The following PCDHA7 variants were observed in gnomAD, a reference collection of about 807,000 sequenced individuals.
The protein encoded by PCDHA7 is protocadherin alpha 7.
PCDHA7 carries 37 observed loss-of-function variants against 57.2 expected under a neutral mutation model. The observed-to-expected ratio is 0.65, with a 90% CI of 0.50 to 0.85. The LOEUF is 0.85. Ranked by LOEUF, PCDHA7 falls within the 40% of genes least tolerant of loss-of-function variation. PCDHA7 has a pLI of 0.00. For synonymous variants in PCDHA7, 553 were observed against 558.8 expected (o/e 0.99, Z 0.15); for missense variants, 1,188 against 1,241.8 (o/e 0.96, Z 0.65).
In PCDHA7 at chr5:140,971,294, T is replaced by C. The variant is rs3776113; in HGVS notation, c.2356-7655T>C. Reference sequence around the variant, plus strand: ...CTGACCTGTATATTAATATGTACTTTGGTACACAAACATTTAATCTAGGGA... The same window carrying C: ...CTGACCTGTATATTAATATGTACTTCGGTACACAAACATTTAATCTAGGGA... On this transcript the variant is annotated intron_variant, in intron 1 of 3. Transcript: ENST00000525929. Among the ~76,000 whole-genome samples the C allele has an allele frequency of 6.4e-4, 97 of 152,362 alleles. No individual in the cohort carries two copies. In the East Asian group the frequency reaches 0.018, roughly 28 times the overall value.
intron 1 of PCDHA7, among the ~76,000 whole-genome samples, chr5:140,897,927 C>T (rs2066407931): frequency 6.6e-6 from 1 of 152,196 alleles, no homozygotes. Context: ...ATTTGCGTTT[C>T]TCTGATGGCC....
rs2150346184 is a variant in PCDHA7, at chr5:140,842,847, C to T, written c.2355+6109C>T. 8 of 1,593,796 alleles carry T rather than the reference C, an allele frequency of 5.0e-6. 1 individual carries two copies. Among genetic ancestry groups the T allele is most frequent in the Non-Finnish European group, 1.7e-6 (2 of 1,165,370 alleles). On this transcript the variant is annotated intron_variant, in intron 1 of 3. Coordinates refer to ENST00000525929, the MANE Select transcript of PCDHA7 (RefSeq NM_018910.3). ...GAGCGCTCGCTGTCGAGCTACATTT[C>T]GGTGCACACGGAGAGCGGCAAGGTG...
At chr5:140,857,085 C>T in intron 1 of PCDHA7, 2 of 1,596,752 alleles carry the variant, frequency 1.3e-6, no homozygotes, top group Non-Finnish European at 8.6e-7. Context: ...AATGATAATT[C>T]ACCTGAGGTG....
At chr5:140,940,776 T>A (rs2092683795) in intron 1 of PCDHA7, among the ~76,000 whole-genome samples, 1 of 152,222 alleles carries the variant, frequency 6.6e-6, no homozygotes, top group African/African-American at 2.4e-5. Flanking sequence ...CTTTTGATGG[T>A]CCATATCCTG....
At chr5:140,928,585 G>A (rs1554206029) in intron 1 of PCDHA7, 1 of 1,614,194 alleles carries the variant, frequency 6.2e-7, no homozygotes, top group Admixed American at 1.7e-5. Context: ...AAATGGTTCT[G>A]TCCCAGTGGA....
chr5:140,926,034 G>A (rs782564671), intron 1 of PCDHA7, among the ~76,000 whole-genome samples: 1 of 152,158 alleles, frequency 6.6e-6, no homozygotes, highest in Non-Finnish European at 1.5e-5. Context: ...GTTTGATGCG[G>A]ACACTATTCC....
intron 3 of PCDHA7, among the ~76,000 whole-genome samples, chr5:140,999,483 T>G (rs1316785085): frequency 3.3e-5 from 5 of 152,152 alleles, no homozygotes; most frequent in Admixed American, 2.6e-4. Flanking sequence ...CCAACTCAAG[T>G]CTATGTTACC....
At chr5:140,913,205 C>G (rs2076252546) in intron 1 of PCDHA7, among the ~76,000 whole-genome samples, 1 of 152,176 alleles carries the variant, frequency 6.6e-6, no homozygotes, top group South Asian at 2.1e-4. Context: ...GCAGTGAAGC[C>G]AATGGGTCCC....
chr5:140,925,082 A>AAAGG (rs138596875), intron 1 of PCDHA7, among the ~76,000 whole-genome samples: 24,812 of 147,244 alleles, frequency 0.17, 2,350 homozygotes, highest in African/African-American at 0.25. Context: ...GCTCATCTGG[A>AAAGG]AAGGAAGGAA....
Position 140,858,037 on chromosome 5 carries a change from T to G in PCDHA7, c.2355+21299T>G, listed in dbSNP as rs782428899. On this transcript the variant is annotated intron_variant, in intron 1 of 3. Coordinates refer to ENST00000525929, the MANE Select transcript of PCDHA7 (RefSeq NM_018910.3). The stretch of plus-strand genomic sequence containing the variant: ...AGCCGTCGCTGACGGCCACGGCCAC[T>G]GTGCTTGTGTCGCTTGTGGAGGGCA... 6 of 1,596,390 alleles carry G rather than the reference T, an allele frequency of 3.8e-6. 1 individual carries two copies. The highest frequency in any genetic ancestry group is 5.1e-6 in the Non-Finnish European group (6 of 1,167,344).
intron 1 of PCDHA7, among the ~76,000 whole-genome samples, chr5:140,902,752 C>A (rs782602670): frequency 2.0e-5 from 3 of 148,884 alleles, no homozygotes; most frequent in African/African-American, 7.3e-5. Flanking sequence ...TCCATTATAT[C>A]ATTCTTATGT....
rs2150264886 is a variant in PCDHA7, at chr5:140,836,594, C to G, written c.2211C>G (p.Pro737=). 4.3e-6 allele frequency: 7 copies of G among 1,613,766 alleles called. No homozygotes were observed. Among genetic ancestry groups the G allele is most frequent in the Non-Finnish European group, 4.2e-6 (5 of 1,179,842 alleles). The change falls in exon 1 of 4, where the codon CCC becomes CCG. Residue 737 remains proline, a synonymous_variant. Coordinates refer to ENST00000525929, the MANE Select transcript of PCDHA7 (RefSeq NM_018910.3). ...SSEGACSLVK[P]TLVCSSAVGS... ...AGGGCGCATGTAGTTTGGTAAAGCC[C>G]ACTCTGGTGTGCTCCAGCGCGGTGG... is the stretch of plus-strand genomic sequence containing the variant.
chr5:140,885,469 C>T (rs1338782835), intron 1 of PCDHA7, among the ~76,000 whole-genome samples: 1 of 152,156 alleles, frequency 6.6e-6, no homozygotes, highest in Admixed American at 6.5e-5. Flanking sequence ...GATGGGCAAT[C>T]ACTTTGTGTC....
At chr5:140,849,694 C>A (rs2041050724) in intron 1 of PCDHA7, 1 of 1,598,594 alleles carries the variant, frequency 6.3e-7, no homozygotes, top group African/African-American at 1.3e-5. Flanking sequence ...CTGGTGTCCA[C>A]CTACAAGAAT....
At chr5:140,882,262 G>GTGTA (rs781901698) in intron 1 of PCDHA7, 2 of 1,605,126 alleles carry the variant, frequency 1.2e-6, no homozygotes, top group Non-Finnish European at 1.7e-6. Context: ...GGTTTTTGGA[G>GTGTA]TGTACCATGC....
chr5:140,889,497 A>G (rs1024054854), intron 1 of PCDHA7, among the ~76,000 whole-genome samples: 1 of 152,188 alleles, frequency 6.6e-6, no homozygotes, highest in South Asian at 2.1e-4. Flanking sequence ...ATCTATAGTG[A>G]TATTTCCCTT....
rs2040836417 is a variant in PCDHA7 at position 140,849,271 on chromosome 5, C to G, written c.2355+12533C>G. ...TTACCAGAAAACGTTTCTATCGGAA[C>G]GCTGGTGATTCACCCCAATGCCTCA... is the stretch of plus-strand genomic sequence containing the variant. On this transcript the variant is annotated intron_variant, in intron 1 of 3. Coordinates refer to ENST00000525929, the MANE Select transcript of PCDHA7 (RefSeq NM_018910.3). 10 of 1,147,158 alleles carry G rather than the reference C, an allele frequency of 8.7e-6. No individual in the cohort carries two copies. In the East Asian group the frequency reaches 2.3e-4, roughly 26 times the overall value. 71.1% of individuals were successfully genotyped at this position (1,147,158 alleles called of 1,614,324 possible).
At chr5:140,843,290 C>T in intron 1 of PCDHA7, 2 of 1,595,968 alleles carry the variant, frequency 1.3e-6, no homozygotes, top group Non-Finnish European at 1.7e-6. Context: ...TCATGGTGAA[C>T]CTGCGCTGAC....
chr5:141,008,470 C>T (rs2098378498), intron 3 of PCDHA7, among the ~76,000 whole-genome samples: 1 of 152,156 alleles, frequency 6.6e-6, no homozygotes, highest in Non-Finnish European at 1.5e-5. Context: ...GCTCTGACTT[C>T]TACTCTTCTA....
Sources: allele counts gnomAD v4.1 joint callset (sites outside exome capture counted in the v4.1 genomes callset), GRCh38; gene constraint gnomAD v4.1.1; transcripts MANE v1.5; gene names NCBI Gene and HGNC (gene_info 2026-07-23, HGNC 2026-07-21).